The following RSRC1 variants were observed in gnomAD, a reference collection of about 807,000 sequenced individuals.
RSRC1 encodes serine/Arginine-related protein 53.
A neutral mutation model predicts 49.1 loss-of-function variants in RSRC1; 39 were observed. The observed-to-expected ratio is 0.79, with a 90% confidence interval of 0.61 to 1.04. The LOEUF is 1.04. Among genes scored for constraint, RSRC1 ranks in the 50% least tolerant of loss-of-function variants. The probability of loss-of-function intolerance (pLI) is 0.00; values close to 1 mark genes in which losing one functional copy is unlikely to be tolerated. For synonymous variants in RSRC1, 143 were observed against 130.8 expected (o/e 1.09, Z -0.63); for missense variants, 388 against 402.4 (o/e 0.96, Z 0.31).
intron 3 of RSRC1, among the ~76,000 whole-genome samples, chr3:158,145,751 T>C (rs1335452614): frequency 3.3e-5 from 5 of 152,250 alleles, no homozygotes; most frequent in Non-Finnish European, 4.4e-5. Flanking sequence ...ATATTGCTTC[T>C]TCCTATCCAT....
At chr3:158,530,433 G>A (rs2108499299) in intron 7 of RSRC1, among the ~76,000 whole-genome samples, 1 of 151,826 alleles carries the variant, frequency 6.6e-6, no homozygotes, top group African/African-American at 2.4e-5. Context: ...CTCCTTTCTA[G>A]CCCTCTAGCC....
intron 6 of RSRC1, among the ~76,000 whole-genome samples, chr3:158,385,100 A>G (rs1235150709): frequency 1.3e-5 from 2 of 152,188 alleles, no homozygotes; most frequent in East Asian, 3.8e-4. Flanking sequence ...AAAATAACAT[A>G]GAACACTCCG....
intron 4 of RSRC1, among the ~76,000 whole-genome samples, chr3:158,295,387 G>T (rs953918629): frequency 3.3e-5 from 5 of 152,132 alleles, no homozygotes; most frequent in Non-Finnish European, 5.9e-5. Flanking sequence ...CTGCAGTATG[G>T]TAGGATACTG....
chr3:158,424,091 C>T (rs570003463), intron 6 of RSRC1, among the ~76,000 whole-genome samples: 1,946 of 152,048 alleles, frequency 0.013, 42 homozygotes, highest in African/African-American at 0.043. Flanking sequence ...TTGCCCTGGC[C>T]AGAACTTCCA....
chr3:158,171,016 G>C (rs973510104), intron 3 of RSRC1, among the ~76,000 whole-genome samples: 3 of 152,070 alleles, frequency 2.0e-5, no homozygotes, highest in Admixed American at 6.6e-5. Context: ...GCTCCTGGGA[G>C]CCAGAATTTA....
chr3:158,501,336 G>A (rs1042211863), intron 7 of RSRC1, among the ~76,000 whole-genome samples: 3 of 152,048 alleles, frequency 2.0e-5, no homozygotes, highest in African/African-American at 7.2e-5. Context: ...TGTATTCTGG[G>A]GTTGTTGGTT....
intron 3 of RSRC1, among the ~76,000 whole-genome samples, chr3:158,187,874 CT>C (rs1720018490): frequency 6.6e-6 from 1 of 151,872 alleles, no homozygotes; most frequent in Non-Finnish European, 1.5e-5. Context: ...GACTGAAAAA[CT>C]GGCCACTATG....
At position 158,544,824 on chromosome 3, in the gene RSRC1, G is replaced by T. The variant is rs1460229233; in HGVS notation, c.*549G>T. The T allele has an allele frequency of 1.3e-5, 2 of 152,188 alleles. No homozygotes were observed. Among genetic ancestry groups the T allele is most frequent in the Admixed American group, 1.3e-4 (2 of 15,276 alleles). 9.4% of individuals were successfully genotyped at this position (152,188 alleles called of 1,614,324 possible). A position where few individuals can be genotyped will look rare whatever the true frequency, so the allele number is the denominator to read the frequency against. On this transcript the variant is annotated 3_prime_UTR_variant, in exon 10 of 10. Coordinates refer to ENST00000611884, the MANE Select transcript of RSRC1 (RefSeq NM_001271838.2). ...GAAACTTAAATAAATTGGTGATTTT[G>T]CTTAGAGATCAGCTTCTACTAGATG...
intron 3 of RSRC1, among the ~76,000 whole-genome samples, chr3:158,190,638 T>G (rs1397125049): frequency 2.0e-4 from 30 of 150,582 alleles, no homozygotes; most frequent in African/African-American, 7.3e-4. Context: ...TTTTTTTTTT[T>G]GCTTGTTTCT....
At chr3:158,279,826 A>C (rs1245676626) in intron 4 of RSRC1, among the ~76,000 whole-genome samples, 1 of 152,176 alleles carries the variant, frequency 6.6e-6, no homozygotes, top group Non-Finnish European at 1.5e-5. Context: ...CTTAGATTCT[A>C]TTAGGAAGGA....
At chr3:158,297,840 A>G (rs1727323157) in intron 4 of RSRC1, among the ~76,000 whole-genome samples, 199 bp from the exon 5 acceptor site, 1 of 151,976 alleles carries the variant, frequency 6.6e-6, no homozygotes, top group African/African-American at 2.4e-5. Context: ...TTTTAGTGAA[A>G]TACCAATTTA....
Position 158,111,434 on chromosome 3 carries a change from G to A in RSRC1, c.-3+1211G>A, listed in dbSNP as rs141753283. Among the ~76,000 whole-genome samples the A allele has an allele frequency of 1.9e-4, 29 of 152,340 alleles. No individual in the cohort carries two copies. The East Asian group carries it at 3.3e-3, about 17-fold the overall frequency. On this transcript the variant is annotated intron_variant, in intron 1 of 9. Coordinates refer to ENST00000611884, the MANE Select transcript of RSRC1 (RefSeq NM_001271838.2). ...TATGAATTGGAAAAGTTCTGAAAGC[G>A]GGTTGTTTATAGTAGATCTATAGTT...
At chr3:158,346,758 C>G (rs1385258481) in intron 5 of RSRC1, among the ~76,000 whole-genome samples, 2 of 152,146 alleles carry the variant, frequency 1.3e-5, no homozygotes, top group Non-Finnish European at 2.9e-5. Context: ...TTAGCCATTT[C>G]AATTATAGAT....
chr3:158,123,950 C>G lies in RSRC1; in HGVS notation c.279C>G (p.Ser93=). ...GTCGTTCAAGGGGTCGAGGGAAATC[C>G]TATAGAGTTCAGAGGTCTAGGTCAA... ...SRSRSRGRGK[S]YRVQRSRSKS... is the part of the protein sequence containing the mutation. Residue 93 remains serine (S), a synonymous_variant, in exon 3 of 10, where the codon TCC becomes TCG. Coordinates refer to ENST00000611884, the MANE Select transcript of RSRC1 (RefSeq NM_001271838.2). 1 of 1,612,274 alleles carries G rather than the reference C, an allele frequency of 6.2e-7. No individual in the cohort carries two copies. Among genetic ancestry groups the G allele is most frequent in the Non-Finnish European group, 8.5e-7 (1 of 1,178,898 alleles).
chr3:158,535,115 G>A (rs531076787), intron 7 of RSRC1, among the ~76,000 whole-genome samples: 97 of 151,320 alleles, frequency 6.4e-4, no homozygotes, highest in East Asian at 1.6e-3. Context: ...AAACCTAATT[G>A]TATATCAAAT....
chr3:158,132,960 G>T lies in RSRC1; in HGVS notation c.320+8969G>T, dbSNP rs529233433. Among the ~76,000 whole-genome samples the T allele has an allele frequency of 9.9e-5, 15 of 152,166 alleles. 1 individual carries two copies. Among genetic ancestry groups the T allele is most frequent in the Admixed American group, 1.3e-4 (2 of 15,276 alleles). ...TTGTTCTTGGAAATCCTCTAGTTTT[G>T]AGATGAGTGTAGAGTTCGACTTCTG... is the stretch of plus-strand genomic sequence containing the variant. On this transcript the variant is annotated intron_variant, in intron 3 of 9. Transcript: ENST00000611884.
chr3:158,296,207 G>A lies in RSRC1; in HGVS notation c.495-1832G>A, dbSNP rs574329126. Among the ~76,000 whole-genome samples, 3 of 152,198 alleles carry A rather than the reference G, an allele frequency of 2.0e-5. No individual in the cohort carries two copies. The East Asian group carries it at 5.8e-4, about 29-fold the overall frequency. On this transcript the variant is annotated intron_variant, in intron 4 of 9. Transcript: ENST00000611884. ...CAATGTAGCTGTGCGAGAAAGCGAA[G>A]TAGATGTGTATTATATAGCACAGAC...
chr3:158,164,784 G>C (rs932227707), intron 3 of RSRC1, among the ~76,000 whole-genome samples: 5 of 152,006 alleles, frequency 3.3e-5, no homozygotes, highest in African/African-American at 9.7e-5. Context: ...ATCTTGTCTT[G>C]TTTTCTAATT....
In RSRC1 at chr3:158,387,760, T is replaced by G. The variant is rs532863006; in HGVS notation, c.583+32852T>G. On this transcript the variant is annotated intron_variant, in intron 6 of 9. Transcript: ENST00000611884. ...GATTTAGTTGGAGAAGAAAGGGTCATTTTTCCTTCTTGTATCATTATTTTT... is the reference window on the plus strand; with the variant it reads ...GATTTAGTTGGAGAAGAAAGGGTCAGTTTTCCTTCTTGTATCATTATTTTT... Among the ~76,000 whole-genome samples the G allele has an allele frequency of 9.8e-5, 15 of 152,288 alleles. No homozygotes were observed. The South Asian group carries it at 3.1e-3, about 32-fold the overall frequency.
Sources: allele counts gnomAD v4.1 joint callset (sites outside exome capture counted in the v4.1 genomes callset), GRCh38; gene constraint gnomAD v4.1.1; transcripts MANE v1.5; gene names NCBI Gene and HGNC (gene_info 2026-07-23, HGNC 2026-07-21).